SYT1: variants seen among roughly 807,000 people sequenced by gnomAD.
SYT1 encodes synaptotagmin 1.
A neutral mutation model predicts 44.8 loss-of-function variants in SYT1; 8 were observed. The ratio of observed to expected loss-of-function variants is 0.18; its 90% CI spans 0.10 to 0.32. SYT1 has a LOEUF of 0.32. Ranked by LOEUF, SYT1 falls within the 10% of genes least tolerant of loss-of-function variation. The pLI is 1.00. For missense variants in SYT1, 286 were observed against 509.3 expected, an observed-to-expected ratio of 0.56 and a Z score of 4.22; for synonymous variants, 154 against 188.8, an observed-to-expected ratio of 0.82 and a Z score of 1.51.
chr12:79,169,489 C>A (rs973194449), intron 3 of SYT1, among the ~76,000 whole-genome samples: 3 of 152,076 alleles, frequency 2.0e-5, no homozygotes, highest in African/African-American at 7.2e-5. Context: ...GCAGAATGAT[C>A]TAGAGAAGGC....
intron 3 of SYT1, among the ~76,000 whole-genome samples, chr12:79,190,500 T>C (rs996458307): frequency 6.6e-6 from 1 of 152,140 alleles, no homozygotes; most frequent in Admixed American, 6.6e-5. Flanking sequence ...TTGCTTTCCA[T>C]AGCTGGCGAA....
intron 3 of SYT1, among the ~76,000 whole-genome samples, chr12:79,186,925 A>G (rs1322717683): frequency 6.6e-6 from 1 of 152,088 alleles, no homozygotes; most frequent in Non-Finnish European, 1.5e-5. Context: ...ACAAATGTAA[A>G]TAATATTTAC....
chr12:79,346,228 GT>G (rs1449543388), intron 8 of SYT1, among the ~76,000 whole-genome samples: 9 of 152,070 alleles, frequency 5.9e-5, no homozygotes, highest in African/African-American at 2.2e-4. Context: ...GATGACCTCT[GT>G]TCTAATTATC....
chr12:78,895,454 G>A lies in SYT1; in HGVS notation c.-217+30345G>A, dbSNP rs151146357. ...AGCAGACTAAAGAAAAACACATTTG[G>A]TAGCTTGAAAAATGGCATCTTCATA... On this transcript the variant is annotated intron_variant, in intron 1 of 10. Coordinates refer to ENST00000261205, the MANE Select transcript of SYT1 (RefSeq NM_005639.3). Among the ~76,000 whole-genome samples, 46 of 151,726 alleles carry A rather than the reference G, an allele frequency of 3.0e-4. No homozygotes were observed. The Middle Eastern group carries it at 0.01, about 34-fold the overall frequency.
At chr12:79,273,795 C>A (rs1380376520) in intron 4 of SYT1, among the ~76,000 whole-genome samples, 3 of 152,216 alleles carry the variant, frequency 2.0e-5, no homozygotes, top group African/African-American at 7.2e-5. Context: ...GCCAGAAACT[C>A]CCAACTGTGG....
At chr12:79,407,752 T>G (rs1781538302) in intron 9 of SYT1, among the ~76,000 whole-genome samples, 1 of 152,120 alleles carries the variant, frequency 6.6e-6, no homozygotes, top group African/African-American at 2.4e-5. Context: ...GCTGTGGTTT[T>G]TGCAACTCTC....
chr12:79,020,968 G>T (rs767205054), intron 2 of SYT1, among the ~76,000 whole-genome samples: 2 of 151,848 alleles, frequency 1.3e-5, no homozygotes, highest in African/African-American at 4.8e-5. Context: ...GTCAACGTTG[G>T]TGCTAAACTT....
chr12:79,137,152 A>T (rs1013280839), intron 3 of SYT1, among the ~76,000 whole-genome samples: 1 of 151,530 alleles, frequency 6.6e-6, no homozygotes, highest in Non-Finnish European at 1.5e-5. Context: ...CTGGAGTGCA[A>T]TGGTGCAATC....
At chr12:79,042,233 C>T (rs1257554246) in intron 2 of SYT1, among the ~76,000 whole-genome samples, 4 of 151,642 alleles carry the variant, frequency 2.6e-5, no homozygotes, top group Non-Finnish European at 4.4e-5. Context: ...TGGTAGAATT[C>T]GGCTGTGAAT....
intron 3 of SYT1, among the ~76,000 whole-genome samples, chr12:79,190,575 A>G (rs1161979779): frequency 6.6e-6 from 1 of 152,178 alleles, no homozygotes; most frequent in African/African-American, 2.4e-5. Context: ...AGTACTCCAC[A>G]GCACCGGCGC....
At chr12:79,153,072 C>T (rs951346662) in intron 3 of SYT1, among the ~76,000 whole-genome samples, 3 of 151,892 alleles carry the variant, frequency 2.0e-5, no homozygotes, top group African/African-American at 7.3e-5. Context: ...CCCAAGTTGT[C>T]ATCGATGACC....
At chr12:79,144,752 C>A (rs1869773833) in intron 3 of SYT1, among the ~76,000 whole-genome samples, 1 of 152,188 alleles carries the variant, frequency 6.6e-6, no homozygotes, top group African/African-American at 2.4e-5. Flanking sequence ...TAAGCTTTCA[C>A]TTTAAATTAC....
intron 3 of SYT1, among the ~76,000 whole-genome samples, chr12:79,189,417 C>T (rs539599306): frequency 1.8e-4 from 28 of 152,196 alleles, no homozygotes; most frequent in Non-Finnish European, 2.9e-4. Flanking sequence ...GAGGTATGTT[C>T]AAGTCATTAT....
intron 9 of SYT1, among the ~76,000 whole-genome samples, chr12:79,438,333 A>G (rs1870209720): frequency 6.6e-6 from 1 of 152,218 alleles, no homozygotes; most frequent in African/African-American, 2.4e-5. Flanking sequence ...ATGGAATGCC[A>G]TGCCTGAAGG....
intron 1 of SYT1, among the ~76,000 whole-genome samples, chr12:78,945,703 A>G (rs1451182090): frequency 6.6e-6 from 1 of 152,064 alleles, no homozygotes; most frequent in Non-Finnish European, 1.5e-5. Flanking sequence ...TGACAATGTA[A>G]TCCAAAGACA....
At chr12:79,129,305 A>G (rs1165640799) in intron 3 of SYT1, among the ~76,000 whole-genome samples, 1 of 152,258 alleles carries the variant, frequency 6.6e-6, no homozygotes, top group Non-Finnish European at 1.5e-5. Flanking sequence ...TATTTTCAGC[A>G]GAAAGGCTAT....
At chr12:78,868,460 G>A (rs558094132) in intron 1 of SYT1, among the ~76,000 whole-genome samples, 1 of 151,750 alleles carries the variant, frequency 6.6e-6, no homozygotes, top group East Asian at 1.9e-4. Context: ...TTCAATACAT[G>A]ACGTGGCTGA....
At chr12:79,245,490 G>T (rs1245813) in intron 4 of SYT1, among the ~76,000 whole-genome samples, 1 of 133,738 alleles carries the variant, frequency 7.5e-6, no homozygotes, top group Non-Finnish European at 1.6e-5. Context: ...AAAAAAAAAA[G>T]AAAAGAAAAA....
intron 2 of SYT1, among the ~76,000 whole-genome samples, chr12:79,045,339 GC>G (rs145166368): frequency 0.026 from 4,016 of 152,308 alleles, 168 homozygotes; most frequent in African/African-American, 0.091. Flanking sequence ...CATTTTTTAA[GC>G]CGGTCGGAAA....
Sources: gnomAD v4.1 joint callset for allele counts (sites outside exome capture counted in the v4.1 genomes callset) on GRCh38, gnomAD v4.1.1 for gene constraint, MANE v1.5 for transcripts, NCBI Gene and HGNC (gene_info 2026-07-23, HGNC 2026-07-21) for gene names.